Variants in ADGRL3 observed in about 807,000 individuals in gnomAD.
ADGRL3 encodes the protein adhesion G protein-coupled receptor L3, also known as calcium-independent alpha-latrotoxin receptor 3.
A neutral mutation model predicts 153.5 loss-of-function variants in ADGRL3; 62 were observed. The observed-to-expected ratio is 0.40, with a 90% CI of 0.33 to 0.50. ADGRL3 has a LOEUF of 0.50. Ranked by LOEUF, ADGRL3 falls within the 20% of genes least tolerant of loss-of-function variation. ADGRL3 has a pLI of 0.47. For synonymous variants in ADGRL3, 710 were observed against 672.5 expected, an observed-to-expected ratio of 1.06 and a Z score of -0.86; for missense variants, 1,641 against 1,859.4, an observed-to-expected ratio of 0.88 and a Z score of 2.16.
At chr4:61,911,674 A>G (rs924962632) in intron 12 of ADGRL3, among the ~76,000 whole-genome samples, 3 of 152,160 alleles carry the variant, frequency 2.0e-5, no homozygotes, top group Admixed American at 6.6e-5. Flanking sequence ...CTGGCAATTT[A>G]CTTGCACTCA....
intron 2 of ADGRL3, among the ~76,000 whole-genome samples, chr4:61,419,724 A>T (rs1157586608): frequency 6.6e-6 from 1 of 152,162 alleles, no homozygotes; most frequent in Non-Finnish European, 1.5e-5. Context: ...GTAATTTTTT[A>T]AAAATTTTGA....
intron 25 of ADGRL3, among the ~76,000 whole-genome samples, chr4:62,062,119 G>A (rs988605229): frequency 2.6e-5 from 4 of 151,874 alleles, no homozygotes; most frequent in East Asian, 1.9e-4. Flanking sequence ...TCTTGCCATC[G>A]TTTAATGTTT....
At chr4:61,620,434 G>C (rs970963675) in intron 5 of ADGRL3, among the ~76,000 whole-genome samples, 1 of 152,034 alleles carries the variant, frequency 6.6e-6, no homozygotes, top group African/African-American at 2.4e-5. Context: ...ACCAATGATG[G>C]CTTTTCCTGA....
intron 2 of ADGRL3, among the ~76,000 whole-genome samples, chr4:61,386,895 T>C (rs2096743475): frequency 6.6e-6 from 1 of 152,210 alleles, no homozygotes; most frequent in South Asian, 2.1e-4. Flanking sequence ...TTGATATCTA[T>C]TTTATATATA....
chr4:62,014,938 C>T (rs2099204700), intron 21 of ADGRL3, among the ~76,000 whole-genome samples: 4 of 152,130 alleles, frequency 2.6e-5, no homozygotes, highest in Admixed American at 2.6e-4. Context: ...TTCTCATTCT[C>T]CTATTTTTCG....
intron 13 of ADGRL3, among the ~76,000 whole-genome samples, chr4:61,928,716 T>A (rs2098805061): frequency 6.6e-6 from 1 of 152,182 alleles, no homozygotes; most frequent in Non-Finnish European, 1.5e-5. Flanking sequence ...TCTGTCATCT[T>A]AACTTCGTCT....
At chr4:61,516,861 T>G (rs913451363) in intron 3 of ADGRL3, among the ~76,000 whole-genome samples, 5 of 152,148 alleles carry the variant, frequency 3.3e-5, no homozygotes, top group African/African-American at 1.2e-4. Flanking sequence ...TTCTGGGACT[T>G]TCTTTACCCA....
intron 4 of ADGRL3, among the ~76,000 whole-genome samples, chr4:61,527,696 T>A (rs981398756): frequency 1.3e-5 from 2 of 152,186 alleles, no homozygotes; most frequent in African/African-American, 4.8e-5. Flanking sequence ...TAATTGAAAA[T>A]TTCAAGTCTT....
chr4:61,649,180 C>A (rs901465580), intron 5 of ADGRL3, among the ~76,000 whole-genome samples: 2 of 151,862 alleles, frequency 1.3e-5, no homozygotes, highest in Non-Finnish European at 2.9e-5. Context: ...TACTAGCACG[C>A]CATTCCTCTT....
chr4:61,241,106 T>C (rs1420224231), intron 1 of ADGRL3, among the ~76,000 whole-genome samples: 1 of 152,008 alleles, frequency 6.6e-6, no homozygotes, highest in African/African-American at 2.4e-5. Flanking sequence ...TATAAAACAT[T>C]GTGCAGATTT....
chr4:61,668,653 C>T (rs2094885738), intron 5 of ADGRL3, among the ~76,000 whole-genome samples: 1 of 152,106 alleles, frequency 6.6e-6, no homozygotes, highest in South Asian at 2.1e-4. Flanking sequence ...CATTTACATG[C>T]ATTGGCATAA....
chr4:61,260,562 A>AG (rs1272875661), intron 1 of ADGRL3, among the ~76,000 whole-genome samples: 1 of 152,154 alleles, frequency 6.6e-6, no homozygotes, highest in Non-Finnish European at 1.5e-5. Flanking sequence ...TTTCTCTTTT[A>AG]GGGTGGTTCT....
intron 4 of ADGRL3, among the ~76,000 whole-genome samples, chr4:61,558,088 G>C (rs1399418332): frequency 1.4e-5 from 2 of 146,982 alleles, no homozygotes; most frequent in South Asian, 2.1e-4. Flanking sequence ...CAAAATTTGA[G>C]ATACTTCTCT....
intron 2 of ADGRL3, among the ~76,000 whole-genome samples, chr4:61,406,450 T>C (rs1553922163): frequency 6.6e-6 from 1 of 151,810 alleles, no homozygotes; most frequent in Non-Finnish European, 1.5e-5. Context: ...TTAAAGTAGA[T>C]AAGTTACTAT....
intron 6 of ADGRL3, among the ~76,000 whole-genome samples, chr4:61,706,343 A>G (rs1289650357): frequency 1.3e-5 from 2 of 151,626 alleles, no homozygotes; most frequent in Admixed American, 6.6e-5. Context: ...AATTGCTTGA[A>G]ACCGGGAAGC....
At chr4:61,738,173 T>C (rs1280648583) in intron 8 of ADGRL3, among the ~76,000 whole-genome samples, 2 of 152,144 alleles carry the variant, frequency 1.3e-5, no homozygotes, top group African/African-American at 4.8e-5. Context: ...GAACATACGA[T>C]GTTTTCCATT....
chr4:61,281,444 A>C (rs1190701801), intron 1 of ADGRL3, among the ~76,000 whole-genome samples: 1 of 152,202 alleles, frequency 6.6e-6, no homozygotes, highest in Non-Finnish European at 1.5e-5. Context: ...ATATTTTAAG[A>C]GGACTTACAA....
At chr4:61,250,730 T>C (rs1758915949) in intron 1 of ADGRL3, among the ~76,000 whole-genome samples, 1 of 152,228 alleles carries the variant, frequency 6.6e-6, no homozygotes. Context: ...TGTGTGTTAC[T>C]GACAGCTGAG....
chr4:61,524,344 C>CCA (rs1351245439), intron 4 of ADGRL3, among the ~76,000 whole-genome samples: 7 of 152,166 alleles, frequency 4.6e-5, no homozygotes, highest in African/African-American at 1.7e-4. Flanking sequence ...ATGTAAGTCT[C>CCA]CAGTACAGAA....
Sources: allele counts gnomAD v4.1 joint callset (sites outside exome capture counted in the v4.1 genomes callset), GRCh38; gene constraint gnomAD v4.1.1; transcripts MANE v1.5; gene names NCBI Gene and HGNC (gene_info 2026-07-23, HGNC 2026-07-21).